The following NELL1 variants were observed in gnomAD, a reference collection of about 807,000 sequenced individuals.
NELL1 encodes the protein neural EGFL like 1.
In NELL1, 76 loss-of-function variants were observed where a neutral mutation model predicts 107.4. The ratio of observed to expected loss-of-function variants is 0.71; its 90% confidence interval spans 0.59 to 0.86. The LOEUF (loss-of-function observed/expected upper bound fraction) is 0.86. NELL1 is among the 40% of genes least tolerant of loss of function. The probability of loss-of-function intolerance (pLI) is 0.00; values close to 1 mark genes in which losing one functional copy is unlikely to be tolerated. For synonymous variants in NELL1, 353 were observed against 341.2 expected (o/e 1.03, Z -0.38); for missense variants, 1,024 against 1,005.5 (o/e 1.02, Z -0.25).
chr11:20,765,449 A>C (rs2133962290), intron 2 of NELL1, among the ~76,000 whole-genome samples: 1 of 152,286 alleles, frequency 6.6e-6, no homozygotes. Flanking sequence ...TCACACTAGG[A>C]TAAGCCCAAA....
chr11:21,020,698 A>G (rs746153838), intron 12 of NELL1, among the ~76,000 whole-genome samples: 1 of 151,984 alleles, frequency 6.6e-6, no homozygotes, highest in Non-Finnish European at 1.5e-5. Flanking sequence ...TAGCTGGAAG[A>G]CATCACTCCT....
intron 13 of NELL1, among the ~76,000 whole-genome samples, chr11:21,118,651 A>G (rs1472420247): frequency 1.3e-5 from 2 of 152,038 alleles, no homozygotes; most frequent in African/African-American, 4.8e-5. Context: ...GCATTCCTTT[A>G]TTTGACTCCG....
Position 21,299,509 on chromosome 11 carries a change from ATATG to A in NELL1, c.1549+70057_1549+70060del, listed in dbSNP as rs1326454654. Among the ~76,000 whole-genome samples the A allele has an allele frequency of 1.5e-4, 16 of 106,662 alleles. No individual in the cohort carries two copies. The East Asian group carries it at 1.7e-3, about 12-fold the overall frequency. The allele number at this position is 106,662 out of a possible 152,430, so 70.0% of individuals were successfully genotyped here. A position where few individuals can be genotyped will look rare whatever the true frequency, so the allele number is the denominator to read the frequency against. On this transcript the variant is annotated intron_variant, in intron 14 of 19. Transcript: ENST00000357134. ...GGAAATTTCAACATTTTATTGTCTT[ATATG>A]TGTGTGTGTGTGTGTGTGTGTGTGT...
At chr11:21,131,554 C>T (rs1157650885) in intron 13 of NELL1, among the ~76,000 whole-genome samples, 2 of 152,170 alleles carry the variant, frequency 1.3e-5, no homozygotes, top group African/African-American at 2.4e-5. Flanking sequence ...TCTTTGAAGC[C>T]AAGATTCATG....
In NELL1 at chr11:20,863,567, G is replaced by C. The variant is rs574662232; in HGVS notation, c.506+15814G>C. 8.0e-5 allele frequency among the ~76,000 whole-genome samples: 12 copies of C among 150,730 alleles called. No homozygotes were observed. The South Asian group carries it at 2.6e-3, about 32-fold the overall frequency. On this transcript the variant is annotated intron_variant, in intron 4 of 19. Coordinates refer to ENST00000357134, the MANE Select transcript of NELL1 (RefSeq NM_006157.5). ...AGACGATGGGCAGCCGGGCAGAGAC[G>C]CTCCTCACTTCTCAGACGGGATGGC...
intron 14 of NELL1, among the ~76,000 whole-genome samples, chr11:21,350,224 G>A (rs956884460): frequency 2.0e-5 from 3 of 151,970 alleles, no homozygotes; most frequent in Non-Finnish European, 4.4e-5. Context: ...TAATTCTTGG[G>A]TATAACTATT....
chr11:21,304,572 T>TG (rs1216717407), intron 14 of NELL1, among the ~76,000 whole-genome samples: 1 of 146,002 alleles, frequency 6.8e-6, no homozygotes, highest in East Asian at 2.2e-4. Context: ...TTGTCTGTTT[T>TG]TTTTTTTCTC....
chr11:21,557,560 G>A (rs1443415787), intron 16 of NELL1, among the ~76,000 whole-genome samples: 2 of 151,972 alleles, frequency 1.3e-5, no homozygotes, highest in East Asian at 1.9e-4. Flanking sequence ...GGAGCCATTT[G>A]TTAATGCTTC....
chr11:20,764,502 A>G (rs1301485987), intron 2 of NELL1, among the ~76,000 whole-genome samples: 1 of 152,036 alleles, frequency 6.6e-6, no homozygotes, highest in Non-Finnish European at 1.5e-5. Flanking sequence ...CAGGATAGTC[A>G]CCAAGATACC....
intron 2 of NELL1, among the ~76,000 whole-genome samples, chr11:20,755,544 T>TTTTTA (rs1856247183): frequency 2.4e-5 from 1 of 41,504 alleles, no homozygotes; most frequent in East Asian, 1.2e-3. Flanking sequence ...GTTTTTGTTT[T>TTTTTA]TTTTTGTTTT....
At chr11:21,320,015 G>T (rs1849973991) in intron 14 of NELL1, among the ~76,000 whole-genome samples, 1 of 150,910 alleles carries the variant, frequency 6.6e-6, no homozygotes, top group South Asian at 2.1e-4. Flanking sequence ...AGGAATTGGG[G>T]ATATACCTCA....
At position 21,065,029 on chromosome 11, in the gene NELL1, A is replaced by G. The variant is rs1853834853; in HGVS notation, c.1301-48560A>G. ...TTAATGATACAGTGGTACATTGTGT[A>G]GACAAATCAACACATCTTAATATTG... On this transcript the variant is annotated intron_variant, in intron 12 of 19. Transcript: ENST00000357134. 2.0e-5 allele frequency among the ~76,000 whole-genome samples: 3 copies of G among 152,180 alleles called. No homozygotes were observed. In the South Asian group the frequency reaches 6.2e-4, roughly 32 times the overall value.
At chr11:21,354,218 A>G (rs527286746) in intron 14 of NELL1, among the ~76,000 whole-genome samples, 10 of 152,252 alleles carry the variant, frequency 6.6e-5, no homozygotes, top group African/African-American at 2.2e-4. Flanking sequence ...AAGTCTCTGC[A>G]TGTGTTAAGT....
intron 16 of NELL1, among the ~76,000 whole-genome samples, chr11:21,547,950 T>C (rs1335586259): frequency 1.3e-5 from 2 of 151,616 alleles, no homozygotes; most frequent in Admixed American, 1.3e-4. Context: ...TAAGTAAGAG[T>C]TGGATTCAAA....
At chr11:21,307,767 A>T (rs1254196644) in intron 14 of NELL1, among the ~76,000 whole-genome samples, 1 of 152,018 alleles carries the variant, frequency 6.6e-6, no homozygotes, top group Non-Finnish European at 1.5e-5. Flanking sequence ...ATACTCTTTC[A>T]AAAGAGAGGC....
intron 3 of NELL1, among the ~76,000 whole-genome samples, chr11:20,844,747 T>C (rs1848675993): frequency 1.3e-5 from 2 of 152,216 alleles, no homozygotes; most frequent in South Asian, 4.1e-4. Context: ...GATGTAAACA[T>C]AGAACATGAA....
chr11:21,193,705 A>G (rs1247847477), intron 13 of NELL1, among the ~76,000 whole-genome samples: 2 of 151,924 alleles, frequency 1.3e-5, no homozygotes, highest in Non-Finnish European at 2.9e-5. Context: ...AATTTCACAG[A>G]TAAGTCATTT....
intron 5 of NELL1, among the ~76,000 whole-genome samples, chr11:20,898,193 G>A (rs1849792081): frequency 6.6e-6 from 1 of 152,098 alleles, no homozygotes; most frequent in Non-Finnish European, 1.5e-5. Flanking sequence ...ATGATAGACT[G>A]GATTAAGAAA....
chr11:21,561,749 T>C (rs893083966), intron 17 of NELL1, among the ~76,000 whole-genome samples: 19 of 152,064 alleles, frequency 1.2e-4, no homozygotes, highest in African/African-American at 3.1e-4. Context: ...GACTTTTGAC[T>C]TTCAACTAGA....
Sources: gnomAD v4.1 joint callset for allele counts (sites outside exome capture counted in the v4.1 genomes callset) on GRCh38, gnomAD v4.1.1 for gene constraint, MANE v1.5 for transcripts, NCBI Gene and HGNC (gene_info 2026-07-23, HGNC 2026-07-21) for gene names.